The following TTLL11 variants were observed in gnomAD, a reference collection of about 807,000 sequenced individuals.
TTLL11 encodes the protein tubulin tyrosine ligase like 11.
Under a neutral mutation model 51.7 loss-of-function variants are expected in TTLL11, and 42 were observed. The observed-to-expected ratio is 0.81, with a 90% CI of 0.64 to 1.05. The LOEUF (loss-of-function observed/expected upper bound fraction) is 1.05, where lower values mean the gene tolerates loss of function less well. TTLL11 is among the 50% of genes least tolerant of loss of function. The pLI is 0.00. For synonymous variants in TTLL11, 381 were observed against 383.5 expected, an observed-to-expected ratio of 0.99 and a Z score of 0.08; for missense variants, 799 against 940.4, an observed-to-expected ratio of 0.85 and a Z score of 1.97.
intron 6 of TTLL11, among the ~76,000 whole-genome samples, chr9:121,888,376 T>TGAAC (rs1192812150): frequency 6.6e-6 from 1 of 152,216 alleles, no homozygotes; most frequent in East Asian, 1.9e-4. Flanking sequence ...AGGTGTGGCT[T>TGAAC]GTTCAAGGTT....
At chr9:121,925,614 G>A (rs1270430815) in intron 6 of TTLL11, among the ~76,000 whole-genome samples, 1 of 152,142 alleles carries the variant, frequency 6.6e-6, no homozygotes, top group Non-Finnish European at 1.5e-5. Context: ...ACCCTCCCAG[G>A]AAGGGTGAGA....
At chr9:121,891,113 C>T (rs952900109) in intron 6 of TTLL11, among the ~76,000 whole-genome samples, 4 of 152,204 alleles carry the variant, frequency 2.6e-5, no homozygotes, top group African/African-American at 9.6e-5. Flanking sequence ...GCCCTTTTCA[C>T]GCTATATTAC....
intron 4 of TTLL11, 95 bp from the exon 5 acceptor site, chr9:121,975,074 C>T (rs887695550): frequency 1.1e-6 from 1 of 949,430 alleles, no homozygotes; most frequent in African/African-American, 1.7e-5. Flanking sequence ...AGTCCCCAAC[C>T]TTGGCCTTGA....
intron 1 of TTLL11, among the ~76,000 whole-genome samples, chr9:122,067,975 T>C (rs1845631975): frequency 6.6e-6 from 1 of 152,242 alleles, no homozygotes; most frequent in Admixed American, 6.5e-5. Flanking sequence ...CCTAGATTTT[T>C]ATCCTACGAT....
At position 122,039,237 on chromosome 9, in the gene TTLL11, A is replaced by G. The variant is rs555751500; in HGVS notation, c.559+35T>C. ...GAGTGTATCTGAGACTTGGCCCTAGAAACATGTTTAAATGTCAACAATAAC... is the reference window on the plus strand; with the variant it reads ...GAGTGTATCTGAGACTTGGCCCTAGGAACATGTTTAAATGTCAACAATAAC... On this transcript the variant is annotated intron_variant, in intron 2 of 8. Transcript: ENST00000321582. 9.5e-6 allele frequency: 15 copies of G among 1,571,586 alleles called. 1 individual carries two copies. In the South Asian group the frequency reaches 1.7e-4, roughly 18 times the overall value.
intron 8 of TTLL11, among the ~76,000 whole-genome samples, chr9:121,847,259 G>A (rs1837545871): frequency 6.7e-6 from 1 of 149,104 alleles, no homozygotes; most frequent in Non-Finnish European, 1.5e-5. Flanking sequence ...ATTAAAAATA[G>A]GAAGAAAGCA....
At chr9:121,904,489 A>G (rs566179235) in intron 6 of TTLL11, among the ~76,000 whole-genome samples, 2 of 152,256 alleles carry the variant, frequency 1.3e-5, no homozygotes, top group African/African-American at 2.4e-5. Flanking sequence ...ACATTCCTAC[A>G]TGTTTAATGT....
intron 6 of TTLL11, among the ~76,000 whole-genome samples, chr9:121,916,420 G>A (rs554379742): frequency 1.3e-5 from 2 of 152,154 alleles, no homozygotes; most frequent in African/African-American, 4.8e-5. Flanking sequence ...GGGATAAGCT[G>A]AGGGAAGATT....
chr9:122,016,646 G>A (rs1360685422), intron 3 of TTLL11, among the ~76,000 whole-genome samples: 1 of 152,120 alleles, frequency 6.6e-6, no homozygotes, highest in African/African-American at 2.4e-5. Flanking sequence ...CAGCCTTGAG[G>A]AGCTGAATCA....
In TTLL11 at chr9:121,989,730, G is replaced by T. The variant is rs1186269021; in HGVS notation, c.734C>A (p.Thr245Asn). 10 of 1,610,040 alleles carry T rather than the reference G, an allele frequency of 6.2e-6. No homozygotes were observed. Among genetic ancestry groups the T allele is most frequent in the Non-Finnish European group, 8.5e-6 (10 of 1,176,902 alleles). ...VKDDDPSWKP[T>N]FIVKPDGGCQ... ...ACCACCATCAGGTTTCACGATAAAAGTGGGCTTCCAGGAGGGGTCATCGTC... is the reference window on the plus strand; with the variant it reads ...ACCACCATCAGGTTTCACGATAAAATTGGGCTTCCAGGAGGGGTCATCGTC... The change falls in exon 4 of 9, where the codon ACT becomes AAT. Residue 245 changes from threonine (T) to asparagine (N), a missense_variant. Coordinates refer to ENST00000321582, the MANE Select transcript of TTLL11 (RefSeq NM_001139442.2). This position sits in a 1 kb window ranked among gnomAD's most constrained non-coding sequence, Gnocchi z 4.2.
At chr9:121,863,686 T>C (rs1181822820) in intron 7 of TTLL11, among the ~76,000 whole-genome samples, 1 of 152,252 alleles carries the variant, frequency 6.6e-6, no homozygotes, top group Non-Finnish European at 1.5e-5. Flanking sequence ...AGAATCTTGA[T>C]TCTGTAGGCA....
chr9:121,877,777 A>G (rs1838624204), intron 6 of TTLL11, among the ~76,000 whole-genome samples: 1 of 152,218 alleles, frequency 6.6e-6, no homozygotes, highest in East Asian at 1.9e-4. Context: ...CAGATGAGGA[A>G]ACCAAGGCAC....
intron 6 of TTLL11, among the ~76,000 whole-genome samples, chr9:121,924,064 C>G (rs527751833): frequency 1.8e-3 from 272 of 152,266 alleles, no homozygotes; most frequent in African/African-American, 6.4e-3. Context: ...GTGAGGCTTC[C>G]CCAGCCACGT....
At chr9:122,055,040 A>G (rs1845253907) in intron 1 of TTLL11, among the ~76,000 whole-genome samples, 1 of 152,108 alleles carries the variant, frequency 6.6e-6, no homozygotes. Context: ...GCCGGTCCAT[A>G]AATTCATTTA....
intron 6 of TTLL11, among the ~76,000 whole-genome samples, chr9:121,904,364 A>G (rs1839864640): frequency 6.6e-6 from 1 of 151,996 alleles, no homozygotes; most frequent in East Asian, 1.9e-4. Context: ...TTTAGTAGAG[A>G]CAGGGTTTCA....
intron 6 of TTLL11, among the ~76,000 whole-genome samples, chr9:121,921,940 G>A (rs1840561521): frequency 2.0e-5 from 3 of 152,210 alleles, no homozygotes; most frequent in South Asian, 2.1e-4. Flanking sequence ...GAGGAACCCG[G>A]GAAGCCTGAC....
At chr9:121,975,528 G>A (rs1842684406) in intron 4 of TTLL11, among the ~76,000 whole-genome samples, 1 of 152,112 alleles carries the variant, frequency 6.6e-6, no homozygotes, top group Non-Finnish European at 1.5e-5. Context: ...CCTGGCCAAT[G>A]TGGCAAAACA....
chr9:121,831,271 A>G (rs1836997675), intron 8 of TTLL11, among the ~76,000 whole-genome samples: 1 of 152,218 alleles, frequency 6.6e-6, no homozygotes, highest in Admixed American at 6.5e-5. Flanking sequence ...TCTGTTGGCG[A>G]TGAGGCCCCA....
intron 8 of TTLL11, among the ~76,000 whole-genome samples, chr9:121,841,415 G>A (rs144322266): frequency 1.3e-5 from 2 of 152,314 alleles, no homozygotes; most frequent in East Asian, 3.9e-4. Context: ...GCCCTGTGTT[G>A]CCAAAATGAC....
Sources: gnomAD v4.1 joint callset for allele counts (sites outside exome capture counted in the v4.1 genomes callset) on GRCh38, gnomAD v4.1.1 for gene constraint, Gnocchi (gnomAD v3.1) non-coding constraint, MANE v1.5 for transcripts, NCBI Gene and HGNC (gene_info 2026-07-23, HGNC 2026-07-21) for gene names.